Variants in SPAG6 observed in about 807,000 individuals in gnomAD.
The protein encoded by SPAG6 is sperm-associated antigen 6.
SPAG6 carries 49 observed loss-of-function variants against 58.5 expected under a neutral mutation model. The observed-to-expected ratio is 0.84, with a 90% CI of 0.67 to 1.06. The LOEUF is 1.06. Among genes scored for constraint, SPAG6 ranks in the 50% least tolerant of loss-of-function variants. The pLI, the probability that SPAG6 is intolerant of heterozygous loss-of-function variation, is 0.00. For synonymous variants in SPAG6, 233 were observed against 225.6 expected (o/e 1.03, Z -0.29); for missense variants, 560 against 611.3 (o/e 0.92, Z 0.89).
intron 4 of SPAG6, among the ~76,000 whole-genome samples, chr10:22,381,727 C>A (rs1368559050): frequency 6.6e-6 from 1 of 152,136 alleles, no homozygotes; most frequent in East Asian, 1.9e-4. Flanking sequence ...AAGGGGCATT[C>A]CTGTCTGCTC....
At chr10:22,413,708 T>TATATATATATA (rs1564384103) in intron 10 of SPAG6, among the ~76,000 whole-genome samples, 2 of 150,874 alleles carry the variant, frequency 1.3e-5, no homozygotes, top group African/African-American at 4.9e-5. Context: ...TATATATATA[T>TATATATATATA]TTCACCCACA....
chr10:22,346,186 C>A, intron 2 of SPAG6: 1 of 1,000,440 alleles, frequency 1.0e-6, no homozygotes, highest in Non-Finnish European at 1.3e-6. Flanking sequence ...TCGACTTCCT[C>A]ACAGCAAAGC....
chr10:22,378,629 C>T (rs745356388), intron 4 of SPAG6, among the ~76,000 whole-genome samples: 2 of 152,076 alleles, frequency 1.3e-5, no homozygotes, highest in African/African-American at 2.4e-5. Context: ...TTGCGTTACT[C>T]GATTCAGCTT....
intron 4 of SPAG6, among the ~76,000 whole-genome samples, chr10:22,374,395 G>A (rs941015632): frequency 6.6e-6 from 1 of 151,982 alleles, no homozygotes; most frequent in Admixed American, 6.6e-5. Context: ...TAGACAGCTA[G>A]GCAAACACTG....
At chr10:22,413,591 C>T (rs1834796622) in intron 10 of SPAG6, among the ~76,000 whole-genome samples, 1 of 151,702 alleles carries the variant, frequency 6.6e-6, no homozygotes, top group East Asian at 1.9e-4. Context: ...TTTTTAACTT[C>T]TCCACTTCCC....
chr10:22,379,866 C>T (rs1833909602), intron 4 of SPAG6, among the ~76,000 whole-genome samples: 1 of 152,114 alleles, frequency 6.6e-6, no homozygotes, highest in Admixed American at 6.5e-5. Context: ...ATGATCACAC[C>T]TCACTGTAGC....
intron 2 of SPAG6, among the ~76,000 whole-genome samples, chr10:22,348,060 G>C (rs943597370): frequency 6.6e-6 from 1 of 151,946 alleles, no homozygotes; most frequent in Non-Finnish European, 1.5e-5. Context: ...GCATGATCTC[G>C]GCTCACTACA....
intron 4 of SPAG6, among the ~76,000 whole-genome samples, chr10:22,378,849 G>T (rs980703402): frequency 6.6e-6 from 1 of 152,086 alleles, no homozygotes; most frequent in Non-Finnish European, 1.5e-5. Flanking sequence ...TGTGAGAGCT[G>T]CCTTCCCTCC....
chr10:22,409,636 G>A (rs558355150), intron 9 of SPAG6, among the ~76,000 whole-genome samples: 3 of 152,200 alleles, frequency 2.0e-5, no homozygotes, highest in Non-Finnish European at 4.4e-5. Context: ...GGAAGGACAA[G>A]TGAAAAGAGC....
chr10:22,346,490 C>CTTCTTCTTCTTCT (rs1554776496), intron 2 of SPAG6, among the ~76,000 whole-genome samples: 89 of 135,610 alleles, frequency 6.6e-4, no homozygotes, highest in African/African-American at 2.7e-3. Context: ...TCTTCTTCTT[C>CTTCTTCTTCTTCT]TTCTTCTTTC....
chr10:22,355,911 C>A (rs1160870503), intron 2 of SPAG6, among the ~76,000 whole-genome samples: 1 of 152,118 alleles, frequency 6.6e-6, no homozygotes. Flanking sequence ...TTATACAATT[C>A]ATCAGTGTTG....
chr10:22,387,300 A>G (rs1228859647), intron 5 of SPAG6, among the ~76,000 whole-genome samples: 1 of 152,182 alleles, frequency 6.6e-6, no homozygotes, highest in African/African-American at 2.4e-5. Flanking sequence ...AAATTGCAAT[A>G]TTTATCTTAG....
intron 2 of SPAG6, among the ~76,000 whole-genome samples, chr10:22,358,204 G>A (rs1240481332): frequency 6.6e-6 from 1 of 152,150 alleles, no homozygotes; most frequent in African/African-American, 2.4e-5. Flanking sequence ...CCCACCAACA[G>A]TGTAAAAGTG....
intron 2 of SPAG6, among the ~76,000 whole-genome samples, chr10:22,350,179 T>G (rs1836679481): frequency 6.6e-6 from 1 of 152,126 alleles, no homozygotes; most frequent in African/African-American, 2.4e-5. Flanking sequence ...AAACACTGAC[T>G]TCTTCTTAAA....
At chr10:22,373,092 G>C (rs369195431) in intron 4 of SPAG6, among the ~76,000 whole-genome samples, 1 of 152,078 alleles carries the variant, frequency 6.6e-6, no homozygotes, top group African/African-American at 2.4e-5. Context: ...ATCTCCGTTG[G>C]CCGCTTTCCA....
At position 22,346,482 on chromosome 10, in the gene SPAG6, TTCTTCTTC is replaced by T. The variant is rs1344443732; in HGVS notation, c.121+666_121+673del. On this transcript the variant is annotated intron_variant, in intron 2 of 10. Transcript: ENST00000376624. ...CTTCTTCTTCTTCTTCTTCTTCTTC[TTCTTCTTC>T]TTCTTCTTTCTTCTTCTTCTTCCTC... Among the ~76,000 whole-genome samples the T allele has an allele frequency of 4.9e-3, 689 of 139,872 alleles. 8 individuals carry two copies. The highest frequency in any genetic ancestry group is 0.021 in the African/African-American group (662 of 31,426). 91.8% of individuals were successfully genotyped at this position (139,872 alleles called of 152,430 possible).
At chr10:22,380,293 TTTTGTTTG>T (rs375844648) in intron 4 of SPAG6, among the ~76,000 whole-genome samples, 5 of 151,670 alleles carry the variant, frequency 3.3e-5, no homozygotes, top group African/African-American at 4.8e-5. Context: ...TAAATGTAGG[TTTTGTTTG>T]TTTGTTTGTT....
chr10:22,387,234 G>A (rs1414293135), intron 5 of SPAG6, among the ~76,000 whole-genome samples: 3 of 152,074 alleles, frequency 2.0e-5, no homozygotes, highest in Non-Finnish European at 4.4e-5. Flanking sequence ...TTAAATCCTG[G>A]TTTGGAAAAG....
intron 9 of SPAG6, among the ~76,000 whole-genome samples, chr10:22,403,912 G>T (rs569733808): frequency 6.0e-4 from 91 of 151,538 alleles, no homozygotes; most frequent in Non-Finnish European, 8.8e-4. Context: ...TTCATGTGTT[G>T]TTTGGCTGCA....
Sources: allele counts gnomAD v4.1 joint callset (sites outside exome capture counted in the v4.1 genomes callset), GRCh38; gene constraint gnomAD v4.1.1; transcripts MANE v1.5; gene names NCBI Gene and HGNC (gene_info 2026-07-23, HGNC 2026-07-21).